The following KAZN variants were observed in gnomAD, a reference collection of about 807,000 sequenced individuals.
The protein encoded by KAZN is kazrin, periplakin interacting protein, also known as kazrin.
Under a neutral mutation model 87.4 loss-of-function variants are expected in KAZN, and 40 were observed. The ratio of observed to expected loss-of-function variants is 0.46; its 90% CI spans 0.36 to 0.60. The LOEUF is 0.60. Among genes scored for constraint, KAZN ranks in the 20% least tolerant of loss-of-function variants. KAZN has a pLI of 0.00. For missense variants in KAZN, 898 were observed against 1,073.9 expected, an observed-to-expected ratio of 0.84 and a Z score of 2.29; for synonymous variants, 466 against 458.3, an observed-to-expected ratio of 1.02 and a Z score of -0.22.
rs890037108 is a variant in KAZN, at chr1:15,094,037, C to G, written c.1223-143C>G. 6.0e-6 allele frequency: 4 copies of G among 666,424 alleles called. No homozygotes were observed. The highest frequency in any genetic ancestry group is 4.2e-4 in the Middle Eastern group (1 of 2,366). The allele number at this position is 666,424 out of a possible 1,614,324, so 41.3% of individuals were successfully genotyped here. A position where few individuals can be genotyped will look rare whatever the true frequency, so the allele number is the denominator to read the frequency against. On this transcript the variant is annotated intron_variant, in intron 8 of 14. Coordinates refer to ENST00000376030, the MANE Select transcript of KAZN (RefSeq NM_201628.3). The surrounding 1 kb of genome is among the most constrained non-coding windows in gnomAD (Gnocchi z 4.5). Reference sequence around the variant, plus strand: ...GGGGGCAAGGGCAGAAAAACAAAAACGCCAAAAGCCACTTTGATTTTGAAG... The same window carrying G: ...GGGGGCAAGGGCAGAAAAACAAAAAGGCCAAAAGCCACTTTGATTTTGAAG...
At chr1:14,317,345 TTTC>T (rs1451952008) in intron 2 of KAZN, among the ~76,000 whole-genome samples, 3 of 151,996 alleles carry the variant, frequency 2.0e-5, no homozygotes, top group Non-Finnish European at 4.4e-5. Context: ...CTACTGTAGC[TTTC>T]TTATGATTTA....
intron 2 of KAZN, among the ~76,000 whole-genome samples, chr1:14,561,079 G>T (rs1458475085): frequency 1.3e-5 from 2 of 152,226 alleles, no homozygotes; most frequent in East Asian, 3.9e-4. Context: ...CACCTGCTTG[G>T]TTCCATCGGC....
At chr1:14,916,170 C>CTTTTTTTTTTTTTTT (rs71307000) in intron 1 of KAZN, among the ~76,000 whole-genome samples, 2 of 113,598 alleles carry the variant, frequency 1.8e-5, no homozygotes, top group African/African-American at 7.0e-5. Context: ...CACTGTTGTT[C>CTTTTTTTTTTTTTTT]TTTTTTTTTT....
chr1:14,749,568 C>T (rs748996892), intron 1 of KAZN, among the ~76,000 whole-genome samples: 7 of 152,182 alleles, frequency 4.6e-5, no homozygotes, highest in Non-Finnish European at 7.3e-5. Flanking sequence ...CATGATGCAG[C>T]TTGCTCCTCT....
chr1:14,049,193 T>C (rs2101450136), intron 1 of KAZN, among the ~76,000 whole-genome samples: 2 of 152,262 alleles, frequency 1.3e-5, no homozygotes, highest in East Asian at 3.9e-4. Context: ...GAAACCATCA[T>C]TCTCAGCAAA....
chr1:14,002,396 C>A (rs186444447), intron 1 of KAZN, among the ~76,000 whole-genome samples: 3 of 152,310 alleles, frequency 2.0e-5, no homozygotes, highest in African/African-American at 7.2e-5. Context: ...CCATGCTCTT[C>A]TAGTGATAGT....
rs1457925159 is a variant in KAZN at position 14,474,994 on chromosome 1, G to T, written c.250-123989G>T. ...TAGATGGATGAATGGGTGGATGAAT[G>T]GTAGATGGATATTGGATGGATGAAT... On this transcript the variant is annotated intron_variant, in intron 2 of 16. Coordinates refer to the KAZN transcript ENST00000636203. Among the ~76,000 whole-genome samples the T allele has an allele frequency of 2.6e-5, 4 of 151,974 alleles. No homozygotes were observed. In the East Asian group the frequency reaches 7.7e-4, roughly 29 times the overall value.
At chr1:14,165,471 C>CCCAG (rs1645806010) in intron 1 of KAZN, among the ~76,000 whole-genome samples, 1 of 152,100 alleles carries the variant, frequency 6.6e-6, no homozygotes, top group South Asian at 2.1e-4. Flanking sequence ...CCGTGGCTCA[C>CCCAG]CCAGGTCTCT....
At position 15,077,485 on chromosome 1, in the gene KAZN, GA is replaced by G. The variant is rs1639809785; in HGVS notation, c.1222+11736del. 6.6e-6 allele frequency among the ~76,000 whole-genome samples: 1 copy of G among 152,226 alleles called. No individual in the cohort carries two copies. The highest frequency in any genetic ancestry group is 2.4e-5 in the African/African-American group (1 of 41,456). On this transcript the variant is annotated intron_variant, in intron 8 of 14. Transcript: ENST00000376030. This position sits in a 1 kb window ranked among gnomAD's most constrained non-coding sequence, Gnocchi z 4.8. ...GTTTGGGGAGTGGCAGTGGAGAAGG[GA>G]AAAGGGGTCTTCGCTCAGCACTGCC...
chr1:14,670,045 T>A (rs1158065020), intron 1 of KAZN, among the ~76,000 whole-genome samples: 1 of 152,158 alleles, frequency 6.6e-6, no homozygotes, highest in Admixed American at 6.5e-5. Context: ...GGCCCCTAGC[T>A]GATCTGGTCT....
chr1:14,466,327 T>G (rs1173727868), intron 2 of KAZN, among the ~76,000 whole-genome samples: 1 of 123,616 alleles, frequency 8.1e-6, no homozygotes, highest in Non-Finnish European at 1.9e-5. Flanking sequence ...CAAGTTTTTA[T>G]AAGGAAAACA....
intron 14 of KAZN, chr1:15,113,066 A>G (rs1641709973): frequency 6.5e-6 from 1 of 153,998 alleles, no homozygotes; most frequent in Non-Finnish European, 1.4e-5. Flanking sequence ...ACTCCAACTG[A>G]CACAGATTCC....
At chr1:14,786,928 G>A (rs1476379074) in intron 1 of KAZN, among the ~76,000 whole-genome samples, 2 of 152,176 alleles carry the variant, frequency 1.3e-5, no homozygotes, top group South Asian at 2.1e-4. Context: ...CTGAGCCAAC[G>A]AACAGCATAC....
At chr1:13,945,159 A>G (rs1363029205) in intron 1 of KAZN, among the ~76,000 whole-genome samples, 2 of 152,190 alleles carry the variant, frequency 1.3e-5, no homozygotes. Context: ...AAGATATACT[A>G]TCTGGAAGAT....
intron 4 of KAZN, among the ~76,000 whole-genome samples, chr1:15,047,466 T>G (rs995337229): frequency 1.1e-4 from 16 of 152,120 alleles, no homozygotes; most frequent in African/African-American, 3.9e-4. Context: ...AGCTTAGCAA[T>G]GGCAGAAGCC....
At chr1:15,043,244 T>C (rs1299974358) in intron 3 of KAZN, among the ~76,000 whole-genome samples, 1 of 152,226 alleles carries the variant, frequency 6.6e-6, no homozygotes, top group Non-Finnish European at 1.5e-5. Context: ...TCCTTACTGT[T>C]GACCCTGTTT....
intron 1 of KAZN, among the ~76,000 whole-genome samples, chr1:14,755,425 A>C (rs1644534843): frequency 6.6e-6 from 1 of 152,176 alleles, no homozygotes; most frequent in African/African-American, 2.4e-5. Context: ...TGAAAGCTTT[A>C]CTGTAAAAAA....
chr1:14,703,138 A>G (rs2148808620), intron 1 of KAZN, among the ~76,000 whole-genome samples: 1 of 152,324 alleles, frequency 6.6e-6, no homozygotes, highest in South Asian at 2.1e-4. Context: ...TGGGTCTTTG[A>G]GAGTACTCCC....
intron 8 of KAZN, among the ~76,000 whole-genome samples, chr1:15,073,120 A>G (rs1639588105): frequency 6.6e-6 from 1 of 152,212 alleles, no homozygotes; most frequent in South Asian, 2.1e-4. Context: ...CCTGTTACAC[A>G]CTGGACTTCC....
Sources: allele counts gnomAD v4.1 joint callset (sites outside exome capture counted in the v4.1 genomes callset), GRCh38; gene constraint gnomAD v4.1.1; non-coding constraint Gnocchi (gnomAD v3.1); transcripts MANE v1.5; gene names NCBI Gene and HGNC (gene_info 2026-07-23, HGNC 2026-07-21).